The following NOA1 variants were observed in gnomAD, a reference collection of about 807,000 sequenced individuals.
NOA1 encodes the protein nitric oxide-associated protein 1.
Under a neutral mutation model 58.4 loss-of-function variants are expected in NOA1, and 35 were observed. The observed-to-expected ratio is 0.60, with a 90% CI of 0.46 to 0.79. The LOEUF (loss-of-function observed/expected upper bound fraction) is 0.79, where lower values mean the gene tolerates loss of function less well. NOA1 is among the 30% of genes least tolerant of loss of function. The pLI, the probability that NOA1 is intolerant of heterozygous loss-of-function variation, is 0.00. For synonymous variants in NOA1, 397 were observed against 373.4 expected, an observed-to-expected ratio of 1.06 and a Z score of -0.73; for missense variants, 895 against 894.6, an observed-to-expected ratio of 1.00 and a Z score of -0.01.
chr4:56,964,629 A>G (rs1352596941), intron 5 of NOA1, 103 bp from the exon 6 acceptor site: 15 of 1,292,382 alleles, frequency 1.2e-5, no homozygotes, highest in Non-Finnish European at 1.4e-5. Flanking sequence ...GATCAAGAAT[A>G]AAATCCTTTC....
Position 56,976,976 on chromosome 4 carries a change from G to C in NOA1, c.610C>G (p.Leu204Val). 6.3e-7 allele frequency: 1 copy of C among 1,598,922 alleles called. No individual in the cohort carries two copies. The highest frequency in any genetic ancestry group is 8.5e-7 in the Non-Finnish European group (1 of 1,176,432). The stretch of plus-strand genomic sequence containing the variant: ...GGCCGCCGCAACGCGGCGCTCACCA[G>C]CTCCAGGTACTGCTCGCGGCTCACC... ...LQVSREQYLE[L>V]VSAALRRPGP... The change falls in exon 1 of 7, where the codon CTG (leucine) becomes GTG (valine). Residue 204 changes from leucine to valine, a missense_variant. This residue lies in a region of NOA1 where 680 missense variants were observed against 656.5 expected (regional missense o/e 1.04). Transcript: ENST00000264230.
Position 56,977,019 on chromosome 4 carries a change from C to CCGGTGGTGCGACAGCAGCCAGCAG in NOA1, c.543_566dup (p.Cys182_Arg189dup). ...GGCTCACCTGCAGGCGTAGAGCGCG[C>CCGGTGGTGCGACAGCAGCCAGCAG]CGGTGGTGCGACAGCAGCCAGCAGC... On this transcript the variant is annotated inframe_insertion, in exon 1 of 7. Transcript: ENST00000264230. 1 of 1,590,236 alleles carries CCGGTGGTGCGACAGCAGCCAGCAG rather than the reference C, an allele frequency of 6.3e-7. No individual in the cohort carries two copies. The highest frequency in any genetic ancestry group is 1.3e-5 in the African/African-American group (1 of 74,772).
chr4:56,974,089 A>AGGATC, intron 1 of NOA1, 67 bp from the exon 2 acceptor site: 3 of 997,826 alleles, frequency 3.0e-6, no homozygotes, highest in Non-Finnish European at 4.3e-6. Context: ...AACATTTTTG[A>AGGATC]GGATCTACAC....
Position 56,977,581 on chromosome 4 carries a change from A to C in NOA1, c.5T>G (p.Leu2Arg). The C allele has an allele frequency of 7.0e-6, 11 of 1,576,922 alleles. No homozygotes were observed. The highest frequency in any genetic ancestry group is 9.5e-6 in the Non-Finnish European group (11 of 1,159,844). Reference protein sequence around the residue: MLPARLPFRLLS... With the variant: MRPARLPFRLLS... ...CAGCCTGAACGGTAGGCGAGCGGGCAGCATGAGGAAGTAGCTCCAAAGGGG... is the reference window on the plus strand; with the variant it reads ...CAGCCTGAACGGTAGGCGAGCGGGCCGCATGAGGAAGTAGCTCCAAAGGGG... Residue 2 changes from leucine to arginine, a missense_variant, in exon 1 of 7, where the codon CTG (leucine) becomes CGG (arginine). Leu to Arg is a moderately radical substitution (Grantham distance 102, BLOSUM62 -2). Transcript: ENST00000264230.
intron 5 of NOA1, among the ~76,000 whole-genome samples, chr4:56,965,074 A>G (rs1209020536): frequency 6.6e-6 from 1 of 151,576 alleles, no homozygotes; most frequent in Non-Finnish European, 1.5e-5. Context: ...ATATCAGCTC[A>G]CTGCAACCTC....
rs981990395 is a variant in NOA1, at chr4:56,977,257, T to C, written c.329A>G (p.Glu110Gly). 1 of 1,608,982 alleles carries C rather than the reference T, an allele frequency of 6.2e-7. No homozygotes were observed. The highest frequency in any genetic ancestry group is 8.5e-7 in the Non-Finnish European group (1 of 1,178,082). ...CCGTAGGTTTTGCTGTCGCCGCTCCTCCCGCCGCTGCTGCCTCTGTCGCTC... is the reference window on the plus strand; with the variant it reads ...CCGTAGGTTTTGCTGTCGCCGCTCCCCCCGCCGCTGCTGCCTCTGTCGCTC... The part of the protein sequence containing the change: ...EEERQRQQRR[E>G]ERRQQNLRAR... The change falls in exon 1 of 7, where the codon GAG (glutamate) becomes GGG (glycine). Residue 110 changes from glutamate to glycine, a missense_variant. Glu to Gly is a moderately conservative substitution (Grantham distance 98, BLOSUM62 -2). Coordinates refer to ENST00000264230, the MANE Select transcript of NOA1 (RefSeq NM_032313.4).
At position 56,976,716 on chromosome 4, in the gene NOA1, G is replaced by A. The variant is rs775869983; in HGVS notation, c.870C>T (p.Val290=). Residue 290 remains valine (V), a synonymous_variant, in exon 1 of 7, where the codon GTC becomes GTT. Transcript: ENST00000264230. ...TCTCCCCGTCCTGTGGCTCGTCCTT[G>A]ACGGGGCGCTGTGGCCCTTGGTGGC... ...APGHQGPQRP[V]KDEPQDGENP... 3 of 1,612,612 alleles carry A rather than the reference G, an allele frequency of 1.9e-6. No homozygotes were observed. The highest frequency in any genetic ancestry group is 2.5e-6 in the Non-Finnish European group (3 of 1,179,340).
Position 56,973,117 on chromosome 4 carries a change from T to G in NOA1, c.1515+31A>C, listed in dbSNP as rs183161751. The G allele has an allele frequency of 3.8e-5, 61 of 1,588,310 alleles. No individual in the cohort carries two copies. The East Asian group carries it at 1.4e-3, about 35-fold the overall frequency. On this transcript the variant is annotated intron_variant, in intron 3 of 6. Coordinates refer to ENST00000264230, the MANE Select transcript of NOA1 (RefSeq NM_032313.4). The stretch of plus-strand genomic sequence containing the variant: ...AACCCATTAAAAAAGAAAAAGAAAG[T>G]AAATGTTTCTAAAAGAAACCAAATA...
intron 4 of NOA1, among the ~76,000 whole-genome samples, chr4:56,967,586 C>G (rs1176494521): frequency 6.6e-6 from 1 of 152,108 alleles, no homozygotes; most frequent in Admixed American, 6.6e-5. Context: ...ATCCATGTTT[C>G]ATTTTCCTTT....
chr4:56,973,679 C>A (rs1485293152), intron 2 of NOA1, among the ~76,000 whole-genome samples, 179 bp downstream of exon 2: 1 of 152,102 alleles, frequency 6.6e-6, no homozygotes, highest in African/African-American at 2.4e-5. Context: ...CTTTTACTAC[C>A]TGTACTGCTC....
At chr4:56,968,321 T>TG in intron 4 of NOA1, 63 bp downstream of exon 4, 1 of 1,500,084 alleles carries the variant, frequency 6.7e-7, no homozygotes, top group Non-Finnish European at 9.1e-7. Context: ...TTCATACATC[T>TG]GCTTCCTTAA....
chr4:56,966,383 G>T (rs1721710154), intron 5 of NOA1, among the ~76,000 whole-genome samples: 1 of 152,114 alleles, frequency 6.6e-6, no homozygotes, highest in Non-Finnish European at 1.5e-5. Context: ...TGGGCTAATG[G>T]CTACCAAATT....
intron 3 of NOA1, among the ~76,000 whole-genome samples, chr4:56,972,271 T>C (rs1421191198): frequency 6.6e-6 from 1 of 152,176 alleles, no homozygotes; most frequent in Non-Finnish European, 1.5e-5. Flanking sequence ...GAAAACATTC[T>C]GAAGAGGCCT....
chr4:56,973,938 T>C lies in NOA1; in HGVS notation c.1229A>G (p.Asp410Gly), dbSNP rs773709274. Residue 410 changes from aspartate (D) to glycine (G), a missense_variant, in exon 2 of 7, where the codon GAT becomes GGT. Physicochemically the swap from Asp to Gly is moderately conservative, Grantham distance 94 (BLOSUM62 -1). Transcript: ENST00000264230. ...MFKRHQRLKK[D>G]STQAEEDLSE... ...AAGATCTTCTTCAGCTTGAGTTGAATCTTTTTTAAGTCTTTGATGCCTTTT... is the reference window on the plus strand; with the variant it reads ...AAGATCTTCTTCAGCTTGAGTTGAACCTTTTTTAAGTCTTTGATGCCTTTT... The C allele has an allele frequency of 6.2e-7, 1 of 1,614,104 alleles. No individual in the cohort carries two copies. Among genetic ancestry groups the C allele is most frequent in the Non-Finnish European group, 8.5e-7 (1 of 1,179,964 alleles).
chr4:56,975,165 A>C (rs1185531556), intron 1 of NOA1, among the ~76,000 whole-genome samples: 1 of 151,840 alleles, frequency 6.6e-6, no homozygotes, highest in Non-Finnish European at 1.5e-5. Flanking sequence ...CTGGGACTAC[A>C]GGCACGCACC....
At chr4:56,976,304 G>A (rs1721919469) in intron 1 of NOA1, 138 bp downstream of exon 1, 1 of 695,796 alleles carries the variant, frequency 1.4e-6, no homozygotes, top group Admixed American at 2.9e-5. Flanking sequence ...GGTGTGACCA[G>A]AGTGGGGAGA....
At chr4:56,975,253 G>A (rs1443566635) in intron 1 of NOA1, among the ~76,000 whole-genome samples, 3 of 143,728 alleles carry the variant, frequency 2.1e-5, no homozygotes, top group Non-Finnish European at 4.6e-5. Flanking sequence ...GAACTCCTGA[G>A]CTCAAGCAAT....
chr4:56,973,259 A>C lies in NOA1; in HGVS notation c.1404T>G (p.Asn468Lys), dbSNP rs139662674. The change falls in exon 3 of 7, where the codon AAT becomes AAG. Residue 468 changes from asparagine to lysine, a missense_variant. Around this residue, in one of 3 missense-constraint regions of NOA1, gnomAD observed 680 missense variants for 656.5 expected, o/e 1.04. Coordinates refer to ENST00000264230, the MANE Select transcript of NOA1 (RefSeq NM_032313.4). Reference sequence around the variant, plus strand: ...ATTTGTGTGTACCCATAACAGGGTCATTTTCCATGTCAAAGGCAAGTGAAT... The same window carrying C: ...ATTTGTGTGTACCCATAACAGGGTCCTTTTCCATGTCAAAGGCAAGTGAAT... ...DADSLAFDME[N>K]DPVMGTHKST... is the part of the protein sequence containing the mutation. 2.5e-6 allele frequency: 4 copies of C among 1,613,976 alleles called. No individual in the cohort carries two copies. Among genetic ancestry groups the C allele is most frequent in the Non-Finnish European group, 3.4e-6 (4 of 1,180,010 alleles).
chr4:56,974,009 G>C lies in NOA1; in HGVS notation c.1158C>G (p.Asn386Lys). The change falls in exon 2 of 7, where the codon AAC (asparagine) becomes AAG (lysine). Residue 386 changes from asparagine (N) to lysine (K), a missense_variant. Coordinates refer to ENST00000264230, the MANE Select transcript of NOA1 (RefSeq NM_032313.4). Reference protein sequence around the residue: ...TISPWPGTTLNLLKFPICNPT... With the variant: ...TISPWPGTTLKLLKFPICNPT... ...GGTTGCAAATAGGAAACTTCAGAAG[G>C]TTTAATGTAGTACCTGAAATACACA... 6.2e-7 allele frequency: 1 copy of C among 1,611,152 alleles called. No homozygotes were observed. The highest frequency in any genetic ancestry group is 8.5e-7 in the Non-Finnish European group (1 of 1,177,576).
Sources: allele counts gnomAD v4.1 joint callset (sites outside exome capture counted in the v4.1 genomes callset), GRCh38; gene constraint gnomAD v4.1.1; regional missense constraint gnomAD v4.1.1; transcripts MANE v1.5; gene names NCBI Gene and HGNC (gene_info 2026-07-23, HGNC 2026-07-21).